Variants in OPCML observed in about 807,000 individuals in gnomAD.
OPCML encodes opioid binding protein/cell adhesion molecule like, also known as opioid-binding protein/cell adhesion molecule.
In OPCML, 13 loss-of-function variants were observed where a neutral mutation model predicts 37.8. That is an observed-to-expected ratio of 0.34 (90% CI 0.22 to 0.55). OPCML has a LOEUF of 0.55. Among genes scored for constraint, OPCML ranks in the 20% least tolerant of loss-of-function variants. The pLI is 0.91. For missense variants in OPCML, 341 were observed against 435.6 expected, an observed-to-expected ratio of 0.78 and a Z score of 1.93; for synonymous variants, 176 against 168.8, an observed-to-expected ratio of 1.04 and a Z score of -0.33.
At chr11:133,490,509 G>C (rs1026373167) in intron 1 of OPCML, among the ~76,000 whole-genome samples, 5 of 152,208 alleles carry the variant, frequency 3.3e-5, no homozygotes, top group African/African-American at 1.2e-4. Flanking sequence ...AGGGTCAGGA[G>C]TGAGCTACTA....
intron 2 of OPCML, among the ~76,000 whole-genome samples, chr11:132,687,978 A>G (rs1943237658): frequency 6.6e-6 from 1 of 152,170 alleles, no homozygotes; most frequent in Non-Finnish European, 1.5e-5. Flanking sequence ...ATCTAGGGAT[A>G]ACTTGCTTTG....
chr11:133,161,534 C>G (rs966818857), intron 1 of OPCML, among the ~76,000 whole-genome samples: 1 of 152,136 alleles, frequency 6.6e-6, no homozygotes, highest in African/African-American at 2.4e-5. Context: ...GTGAGGCTGG[C>G]AGGACAGCTT....
At chr11:133,009,764 C>T (rs1285229863) in intron 1 of OPCML, among the ~76,000 whole-genome samples, 1 of 152,196 alleles carries the variant, frequency 6.6e-6, no homozygotes, top group Admixed American at 6.5e-5. Context: ...CTAATGCCGC[C>T]TCTGATCTGA....
At chr11:132,703,082 T>C (rs1292488526) in intron 2 of OPCML, among the ~76,000 whole-genome samples, 1 of 152,184 alleles carries the variant, frequency 6.6e-6, no homozygotes, top group Non-Finnish European at 1.5e-5. Context: ...GTTACACTCC[T>C]GCATTGCTTG....
chr11:132,497,206 C>T (rs571507534), intron 4 of OPCML, among the ~76,000 whole-genome samples: 1 of 152,128 alleles, frequency 6.6e-6, no homozygotes, highest in East Asian at 1.9e-4. Context: ...CACATAGACA[C>T]ATGGCAAGGA....
At chr11:133,178,759 A>G (rs1041254105) in intron 1 of OPCML, among the ~76,000 whole-genome samples, 4 of 152,170 alleles carry the variant, frequency 2.6e-5, no homozygotes, top group African/African-American at 9.7e-5. Context: ...AGGTGCTTCC[A>G]TAGATGCTTT....
rs369094351 is a variant in OPCML at position 133,209,939 on chromosome 11, G to C, written c.62-266929C>G. ...CAGAAACCTGCTAGATATTCAGGAG[G>C]AAGCAACTGTTGTGATGAGTTGGGA... is the stretch of plus-strand genomic sequence containing the variant. On this transcript the variant is annotated intron_variant, in intron 1 of 7. Coordinates refer to ENST00000524381, the MANE Select transcript of OPCML (RefSeq NM_001012393.5). Among the ~76,000 whole-genome samples the C allele has an allele frequency of 8.5e-5, 13 of 152,332 alleles. No individual in the cohort carries two copies. In the East Asian group the frequency reaches 1.2e-3, roughly 14 times the overall value.
chr11:132,883,931 A>G (rs2136437352), intron 2 of OPCML, among the ~76,000 whole-genome samples: 1 of 152,290 alleles, frequency 6.6e-6, no homozygotes, highest in Admixed American at 6.5e-5. Context: ...TGTTCCAGTG[A>G]GAAACATAAT....
intron 4 of OPCML, among the ~76,000 whole-genome samples, chr11:132,442,911 G>A (rs11223073): frequency 0.27 from 41,699 of 152,034 alleles, 5,894 homozygotes; most frequent in Non-Finnish European, 0.3. Context: ...TATTAGCAGC[G>A]TAAGAACAGG....
At chr11:133,289,480 A>G (rs374427667) in intron 1 of OPCML, among the ~76,000 whole-genome samples, 1 of 150,184 alleles carries the variant, frequency 6.7e-6, no homozygotes, top group Non-Finnish European at 1.5e-5. Context: ...CTGTAGTCCC[A>G]GCTACTCGGG....
intron 1 of OPCML, among the ~76,000 whole-genome samples, chr11:133,125,093 T>C (rs563350665): frequency 3.2e-4 from 49 of 152,256 alleles, no homozygotes; most frequent in African/African-American, 1.1e-3. Flanking sequence ...ACTGGAGATA[T>C]ACTGATTGGC....
At chr11:132,921,544 T>C (rs940348694) in intron 2 of OPCML, among the ~76,000 whole-genome samples, 5 of 152,184 alleles carry the variant, frequency 3.3e-5, no homozygotes, top group Admixed American at 2.6e-4. Context: ...AGATCCTTCA[T>C]CCAAGTATGG....
At chr11:132,529,921 G>T (rs887694199) in intron 3 of OPCML, among the ~76,000 whole-genome samples, 38 of 152,264 alleles carry the variant, frequency 2.5e-4, no homozygotes, top group African/African-American at 7.7e-4. Flanking sequence ...TAGGAGCAGG[G>T]CTCTGGATTC....
intron 4 of OPCML, among the ~76,000 whole-genome samples, chr11:132,439,114 A>T (rs565676669): frequency 6.6e-6 from 1 of 152,288 alleles, no homozygotes; most frequent in African/African-American, 2.4e-5. Flanking sequence ...TACCCTCCTC[A>T]AACCTGGTCC....
At chr11:132,745,563 C>CAAAAAAAAAAAAAAAAA (rs10562857) in intron 2 of OPCML, among the ~76,000 whole-genome samples, 2 of 102,980 alleles carry the variant, frequency 1.9e-5, no homozygotes, top group Non-Finnish European at 1.9e-5. Context: ...TGCTGTCTTG[C>CAAAAAAAAAAAAAAAAA]AAAAAAAAAA....
At chr11:132,664,170 T>C (rs1942121901) in intron 2 of OPCML, among the ~76,000 whole-genome samples, 1 of 152,226 alleles carries the variant, frequency 6.6e-6, no homozygotes, top group Non-Finnish European at 1.5e-5. Flanking sequence ...TGGCTATATA[T>C]GTGCATAACT....
intron 2 of OPCML, among the ~76,000 whole-genome samples, chr11:132,762,064 C>A (rs954995314): frequency 2.3e-4 from 35 of 152,190 alleles, no homozygotes; most frequent in African/African-American, 8.4e-4. Flanking sequence ...AACAGTCAGG[C>A]CCCTCTTCTG....
intron 2 of OPCML, among the ~76,000 whole-genome samples, chr11:132,753,737 A>G (rs951857337): frequency 5.3e-5 from 8 of 152,194 alleles, no homozygotes; most frequent in African/African-American, 1.9e-4. Context: ...CTCTGGAGGA[A>G]GTGAAACTGG....
intron 1 of OPCML, among the ~76,000 whole-genome samples, chr11:133,304,504 C>T (rs1942861936): frequency 6.6e-6 from 1 of 152,154 alleles, no homozygotes; most frequent in South Asian, 2.1e-4. Flanking sequence ...ATTTCAGCTC[C>T]ACAACGTGTG....
Sources: allele counts gnomAD v4.1 joint callset (sites outside exome capture counted in the v4.1 genomes callset), GRCh38; gene constraint gnomAD v4.1.1; transcripts MANE v1.5; gene names NCBI Gene and HGNC (gene_info 2026-07-23, HGNC 2026-07-21).